UBE2K: variants seen among roughly 807,000 people sequenced by gnomAD.
UBE2K encodes ubiquitin-conjugating enzyme E2 K.
In UBE2K, 6 loss-of-function variants were observed where a neutral mutation model predicts 30.0. The ratio of observed to expected loss-of-function variants is 0.20; its 90% CI spans 0.11 to 0.39. UBE2K has a LOEUF of 0.39. Ranked by LOEUF, UBE2K falls within the 10% of genes least tolerant of loss-of-function variation. UBE2K has a pLI of 1.00. For synonymous variants in UBE2K, 86 were observed against 83.7 expected, an observed-to-expected ratio of 1.03 and a Z score of -0.15; for missense variants, 61 against 241.6, an observed-to-expected ratio of 0.25 and a Z score of 4.96.
intron 1 of UBE2K, among the ~76,000 whole-genome samples, chr4:39,704,411 G>A (rs1454867046): frequency 6.6e-6 from 1 of 151,900 alleles, no homozygotes; most frequent in Non-Finnish European, 1.5e-5. Context: ...TATAGATTGG[G>A]TTAAAAAAAA....
chr4:39,773,838 G>T (rs458130), intron 4 of UBE2K, among the ~76,000 whole-genome samples: 5 of 149,480 alleles, frequency 3.3e-5, no homozygotes, highest in African/African-American at 1.2e-4. Context: ...GGAGAATAGC[G>T]TGAACCCGGG....
intron 1 of UBE2K, among the ~76,000 whole-genome samples, chr4:39,710,560 C>T (rs565383638): frequency 6.6e-6 from 1 of 152,210 alleles, no homozygotes; most frequent in African/African-American, 2.4e-5. Context: ...TGAGCTACTG[C>T]ACCCTGCCTA....
intron 3 of UBE2K, among the ~76,000 whole-genome samples, chr4:39,746,024 C>G (rs1481935897): frequency 6.6e-6 from 1 of 151,952 alleles, no homozygotes; most frequent in Admixed American, 6.6e-5. Flanking sequence ...CCAGTAATGG[C>G]TCAAAACTGG....
At chr4:39,765,479 G>A (rs1212025222) in intron 4 of UBE2K, among the ~76,000 whole-genome samples, 1 of 152,000 alleles carries the variant, frequency 6.6e-6, no homozygotes, top group Non-Finnish European at 1.5e-5. Context: ...ACAGGGATCT[G>A]TGATCACACC....
intron 3 of UBE2K, among the ~76,000 whole-genome samples, chr4:39,747,164 T>A (rs2109362425): frequency 6.6e-6 from 1 of 152,364 alleles, no homozygotes; most frequent in South Asian, 2.1e-4. Flanking sequence ...ATCTATTTTC[T>A]GATAAGTCTG....
intron 2 of UBE2K, among the ~76,000 whole-genome samples, chr4:39,744,709 A>G (rs938699693): frequency 4.6e-5 from 7 of 150,738 alleles, no homozygotes; most frequent in African/African-American, 1.7e-4. Context: ...GATCGAGACC[A>G]TCCTGGCTAA....
intron 1 of UBE2K, among the ~76,000 whole-genome samples, chr4:39,698,773 G>C (rs1717844463): frequency 6.6e-6 from 1 of 152,226 alleles, no homozygotes; most frequent in African/African-American, 2.4e-5. Flanking sequence ...GAAGGGGAAA[G>C]GTGGTAACTG....
Position 39,698,141 on chromosome 4 carries a change from T to C in UBE2K, c.-187T>C. On this transcript the variant is annotated 5_prime_UTR_variant, in exon 1 of 7. Transcript: ENST00000261427. Reference sequence around the variant, plus strand: ...TGCGCATGCGCCGACCCGGCGCCATTTTGGTGGCCGGGCGCGGAGGTGATT... The same window carrying C: ...TGCGCATGCGCCGACCCGGCGCCATCTTGGTGGCCGGGCGCGGAGGTGATT... The C allele has an allele frequency of 1.6e-6, 1 of 621,898 alleles. No homozygotes were observed. Among genetic ancestry groups the C allele is most frequent in the Non-Finnish European group, 2.9e-6 (1 of 341,610 alleles). 38.5% of individuals were successfully genotyped at this position (621,898 alleles called of 1,614,324 possible).
At chr4:39,719,290 A>G (rs560346337) in intron 1 of UBE2K, among the ~76,000 whole-genome samples, 2 of 152,224 alleles carry the variant, frequency 1.3e-5, no homozygotes, top group South Asian at 2.1e-4. Flanking sequence ...CTTGAAGCCA[A>G]AGTTTCCTTC....
intron 4 of UBE2K, among the ~76,000 whole-genome samples, chr4:39,765,962 C>T (rs928329655): frequency 1.4e-5 from 2 of 142,132 alleles, no homozygotes; most frequent in Admixed American, 7.4e-5. Flanking sequence ...TACACATACA[C>T]ATACACAAAA....
At chr4:39,770,465 G>A (rs1158903424) in intron 4 of UBE2K, 2 of 1,611,384 alleles carry the variant, frequency 1.2e-6, no homozygotes, top group African/African-American at 1.3e-5. Context: ...TGCACTTGAT[G>A]TTCTTTAAGG....
intron 5 of UBE2K, among the ~76,000 whole-genome samples, chr4:39,775,230 G>A (rs893513982): frequency 2.0e-5 from 3 of 152,142 alleles, no homozygotes; most frequent in Admixed American, 6.5e-5. Context: ...ATTAATGCTC[G>A]TGTATGTGTC....
Position 39,765,303 on chromosome 4 carries a change from C to T in UBE2K, c.300-9531C>T, listed in dbSNP as rs374014866. 3.6e-3 allele frequency among the ~76,000 whole-genome samples: 547 copies of T among 152,196 alleles called. 6 individuals carry two copies. The highest frequency in any genetic ancestry group is 0.012 in the African/African-American group (497 of 41,542). On this transcript the variant is annotated intron_variant, in intron 4 of 6. Coordinates refer to ENST00000261427, the MANE Select transcript of UBE2K (RefSeq NM_005339.5). ...CTTTGGGAGGCCAAGGTGGGTGGATCGCTTGAGCCCAGGAGTTCAAGACCA... is the reference window on the plus strand; with the variant it reads ...CTTTGGGAGGCCAAGGTGGGTGGATTGCTTGAGCCCAGGAGTTCAAGACCA...
chr4:39,729,152 G>T (rs1490572907), intron 1 of UBE2K, among the ~76,000 whole-genome samples: 1 of 151,752 alleles, frequency 6.6e-6, no homozygotes, highest in African/African-American at 2.4e-5. Context: ...TGTATTTTTA[G>T]TAGAGGCGGG....
intron 4 of UBE2K, among the ~76,000 whole-genome samples, chr4:39,771,670 C>G (rs894345126): frequency 6.6e-6 from 1 of 152,040 alleles, no homozygotes; most frequent in Non-Finnish European, 1.5e-5. Flanking sequence ...CCAGGCCTCG[C>G]GCGCGCGGCG....
intron 1 of UBE2K, among the ~76,000 whole-genome samples, chr4:39,722,516 G>T (rs1396112029): frequency 1.3e-5 from 2 of 152,042 alleles, no homozygotes; most frequent in East Asian, 3.9e-4. Flanking sequence ...TACTTCTTTG[G>T]CATCCTGGAA....
At chr4:39,745,663 A>T in intron 2 of UBE2K, 89 bp from the exon 3 acceptor site, 1 of 838,648 alleles carries the variant, frequency 1.2e-6, no homozygotes, top group East Asian at 2.7e-5. Flanking sequence ...TTGAATATAA[A>T]ATAGCTGCTC....
At chr4:39,714,468 T>G (rs535485548) in intron 1 of UBE2K, 1 of 148,450 alleles carries the variant, frequency 6.7e-6, no homozygotes, top group Admixed American at 6.8e-5. Context: ...TTTGTCCTTT[T>G]GTGACTGGTT....
intron 4 of UBE2K, among the ~76,000 whole-genome samples, chr4:39,774,396 A>G (rs995011849): frequency 6.6e-6 from 1 of 152,006 alleles, no homozygotes; most frequent in African/African-American, 2.4e-5. Context: ...TTACGAGGTC[A>G]GGAGATCGAG....
Sources: allele counts gnomAD v4.1 joint callset (sites outside exome capture counted in the v4.1 genomes callset), GRCh38; gene constraint gnomAD v4.1.1; transcripts MANE v1.5; gene names NCBI Gene and HGNC (gene_info 2026-07-23, HGNC 2026-07-21).